Variants in MCM3 observed in about 807,000 individuals in gnomAD.
The protein encoded by MCM3 is DNA replication licensing factor MCM3.
MCM3 carries 59 observed loss-of-function variants against 91.3 expected under a neutral mutation model. The observed-to-expected ratio is 0.65, with a 90% CI of 0.52 to 0.80. MCM3 has a LOEUF of 0.80. Among genes scored for constraint, MCM3 ranks in the 30% least tolerant of loss-of-function variants. The probability of loss-of-function intolerance (pLI) is 0.00; values close to 1 mark genes in which losing one functional copy is unlikely to be tolerated. For synonymous variants in MCM3, 383 were observed against 379.6 expected, an observed-to-expected ratio of 1.01 and a Z score of -0.10; for missense variants, 919 against 1,035.4, an observed-to-expected ratio of 0.89 and a Z score of 1.54.
In MCM3 at chr6:52,264,584, C is replaced by T. The variant is rs766055664; in HGVS notation, c.*4G>A. 1.2e-6 allele frequency: 2 copies of T among 1,613,528 alleles called. No individual in the cohort carries two copies. The highest frequency in any genetic ancestry group is 2.2e-5 in the South Asian group (2 of 91,050). On this transcript the variant is annotated 3_prime_UTR_variant, in exon 17 of 17. Transcript: ENST00000596288. ...CACAACCCAAGTTCAGAGACGAGGC[C>T]TCCTCAGATGAGGAAGATGATGCCC...
intron 1 of MCM3, among the ~76,000 whole-genome samples, chr6:52,284,365 C>T (rs1349642063): frequency 6.6e-6 from 1 of 152,200 alleles, no homozygotes; most frequent in African/African-American, 2.4e-5. Flanking sequence ...CTTTTGCGCG[C>T]CCGGACCATC....
intron 4 of MCM3, among the ~76,000 whole-genome samples, chr6:52,280,038 A>G (rs930484042): frequency 6.6e-6 from 1 of 152,268 alleles, no homozygotes. Context: ...ATAAATGAAT[A>G]CTATACAGCA....
At chr6:52,267,096 C>CTTTTTTTTTTTTTTT (rs70977337) in intron 14 of MCM3, among the ~76,000 whole-genome samples, 20 of 111,576 alleles carry the variant, frequency 1.8e-4, no homozygotes, top group African/African-American at 5.7e-4. Context: ...AGGGTATCTT[C>CTTTTTTTTTTTTTTT]TTTTTTTTTT....
chr6:52,274,276 G>C (rs974238433), intron 9 of MCM3, among the ~76,000 whole-genome samples: 28 of 152,228 alleles, frequency 1.8e-4, no homozygotes, highest in Middle Eastern at 3.4e-3. Context: ...CTGTCATAAA[G>C]ACAGGGCAAG....
At chr6:52,273,126 C>T in intron 11 of MCM3, 104 bp downstream of exon 11, 1 of 1,384,234 alleles carries the variant, frequency 7.2e-7, no homozygotes, top group South Asian at 1.2e-5. Context: ...CCAGGCATGG[C>T]TTTGACCTGG....
At position 52,283,462 on chromosome 6, in the gene MCM3, A is replaced by C. The variant is rs186594924; in HGVS notation, c.79-56T>G. On this transcript the variant is annotated intron_variant, in intron 1 of 16. Coordinates refer to ENST00000596288, the MANE Select transcript of MCM3 (RefSeq NM_002388.6). ...CCACAAATTTAAAAACAATGTTTCT[A>C]AACAGAAGTAGTTCTCATAGCCAGA... 64 of 1,247,512 alleles carry C rather than the reference A, an allele frequency of 5.1e-5. No homozygotes were observed. The African/African-American group carries it at 5.9e-4, about 11-fold the overall frequency. The allele number at this position is 1,247,512 out of a possible 1,614,324, so 77.3% of individuals were successfully genotyped here. A position where few individuals can be genotyped will look rare whatever the true frequency, so the allele number is the denominator to read the frequency against.
At chr6:52,276,504 G>A (rs1383179697) in intron 8 of MCM3, 28 bp from the exon 9 acceptor site, 1 of 1,586,376 alleles carries the variant, frequency 6.3e-7, no homozygotes. Context: ...AAAAATACGT[G>A]CTACAGTCTA....
chr6:52,267,219 C>T (rs565938421), intron 14 of MCM3, among the ~76,000 whole-genome samples: 43 of 151,244 alleles, frequency 2.8e-4, no homozygotes, highest in Admixed American at 4.6e-4. Flanking sequence ...CTGCCTCAGC[C>T]TCCCAAGTAG....
At chr6:52,270,184 C>A (rs1261456633) in intron 12 of MCM3, among the ~76,000 whole-genome samples, 1 of 152,004 alleles carries the variant, frequency 6.6e-6, no homozygotes, top group Non-Finnish European at 1.5e-5. Flanking sequence ...GAAAAATTAG[C>A]CCGGTGTGGT....
intron 5 of MCM3, among the ~76,000 whole-genome samples, 163 bp downstream of exon 5, chr6:52,279,198 T>C (rs1224025882): frequency 6.6e-6 from 1 of 152,222 alleles, no homozygotes; most frequent in Non-Finnish European, 1.5e-5. Flanking sequence ...TCACCAGCTT[T>C]ATCTGATAGA....
chr6:52,279,332 T>C (rs1284820061), intron 5 of MCM3, 29 bp downstream of exon 5: 2 of 1,565,190 alleles, frequency 1.3e-6, no homozygotes, highest in South Asian at 1.1e-5. Context: ...GTCAACAGCA[T>C]TCCATATACT....
At chr6:52,271,132 C>CA (rs1344331887) in intron 12 of MCM3, among the ~76,000 whole-genome samples, 1 of 151,380 alleles carries the variant, frequency 6.6e-6, no homozygotes, top group Non-Finnish European at 1.5e-5. Context: ...GAGCCCAGAC[C>CA]ATGCCACTGC....
intron 9 of MCM3, among the ~76,000 whole-genome samples, chr6:52,274,673 G>A (rs1406238584): frequency 6.6e-6 from 1 of 150,486 alleles, no homozygotes; most frequent in African/African-American, 2.5e-5. Context: ...TGGGTGGCAG[G>A]GTAAGACTAT....
Position 52,272,421 on chromosome 6 carries a change from C to G in MCM3, c.1707G>C (p.Lys569Asn), listed in dbSNP as rs192390439. The change falls in exon 12 of 17, where the codon AAG (lysine) becomes AAC (asparagine). Residue 569 changes from lysine (K) to asparagine (N), a missense_variant. Physicochemically the swap from Lys to Asn is moderately conservative, Grantham distance 94 (BLOSUM62 0). This residue lies in a region of MCM3 where 285 missense variants were observed against 311.4 expected (regional missense o/e 0.92). Transcript: ENST00000596288. ...KEKMVSAAFM[K>N]KYIHVAKIIK... ...TGATTTTGGCCACATGGATGTACTT[C>G]TTCATGAATGCTGCACTCACCATCT... 6.8e-5 allele frequency: 109 copies of G among 1,614,172 alleles called. No homozygotes were observed. The Admixed American group carries it at 1.8e-3, about 26-fold the overall frequency.
At position 52,264,458 on chromosome 6, in the gene MCM3, C is replaced by G. The variant is rs1006563883; in HGVS notation, c.*130G>C. 2 of 1,009,954 alleles carry G rather than the reference C, an allele frequency of 2.0e-6. No individual in the cohort carries two copies. Among genetic ancestry groups the G allele is most frequent in the Non-Finnish European group, 3.0e-6 (2 of 674,860 alleles). The allele number at this position is 1,009,954 out of a possible 1,614,324, so 62.6% of individuals were successfully genotyped here. ...CCGAGTCCTGAACTCAGCTTCATCACCAACATTCCTCGCCTTCAGTTGAAT... is the reference window on the plus strand; with the variant it reads ...CCGAGTCCTGAACTCAGCTTCATCAGCAACATTCCTCGCCTTCAGTTGAAT... On this transcript the variant is annotated 3_prime_UTR_variant, in exon 17 of 17. Coordinates refer to ENST00000596288, the MANE Select transcript of MCM3 (RefSeq NM_002388.6).
chr6:52,279,284 G>C, intron 5 of MCM3, 77 bp downstream of exon 5: 1 of 1,297,174 alleles, frequency 7.7e-7, no homozygotes, highest in South Asian at 1.3e-5. Flanking sequence ...TCTGGAATAT[G>C]GCAAACTGGA....
Position 52,277,595 on chromosome 6 carries a change from C to T in MCM3, c.973G>A (p.Val325Met), listed in dbSNP as rs1195772955. Residue 325 changes from valine (V) to methionine (M), a missense_variant, in exon 7 of 17, where the codon GTG becomes ATG. Physicochemically the swap from Val to Met is conservative, Grantham distance 21. Around this residue, in one of 3 missense-constraint regions of MCM3, gnomAD observed 233 missense variants for 321.2 expected, o/e 0.73. Transcript: ENST00000596288. The part of the protein sequence containing the change: ...KAILCLLLGG[V>M]ERDLENGSHI... ...CTGCCATTTTCTAGGTCTCGTTCCACCCCTCCCAAGAGCAAGCAGAGGATT... is the reference window on the plus strand; with the variant it reads ...CTGCCATTTTCTAGGTCTCGTTCCATCCCTCCCAAGAGCAAGCAGAGGATT... The T allele has an allele frequency of 1.9e-6, 3 of 1,614,076 alleles. No homozygotes were observed. Among genetic ancestry groups the T allele is most frequent in the Non-Finnish European group, 2.5e-6 (3 of 1,179,990 alleles).
chr6:52,273,103 C>A lies in MCM3; in HGVS notation c.1676+127G>T, dbSNP rs570590777. ...CCCAGAAAAGAAGAAAATTAATCCA[C>A]GTGGTTATGACTCCAGGCATGGCTT... On this transcript the variant is annotated intron_variant, in intron 11 of 16. Transcript: ENST00000596288. 6.0e-4 allele frequency: 642 copies of A among 1,065,474 alleles called. 1 individual carries two copies. Among genetic ancestry groups the A allele is most frequent in the Non-Finnish European group, 8.7e-4 (621 of 714,300 alleles). 66.0% of individuals were successfully genotyped at this position (1,065,474 alleles called of 1,614,324 possible).
chr6:52,268,518 A>G (rs1764824503), intron 13 of MCM3, among the ~76,000 whole-genome samples: 1 of 152,212 alleles, frequency 6.6e-6, no homozygotes, highest in Admixed American at 6.5e-5. Flanking sequence ...CAAAAGGCTA[A>G]CATTCACCAG....
Sources: gnomAD v4.1 joint callset for allele counts (sites outside exome capture counted in the v4.1 genomes callset) on GRCh38, gnomAD v4.1.1 for gene constraint, gnomAD v4.1.1 regional missense constraint, MANE v1.5 for transcripts, NCBI Gene and HGNC (gene_info 2026-07-23, HGNC 2026-07-21) for gene names.